Variants in MCPH1 observed in about 807,000 individuals in gnomAD.
MCPH1 encodes microcephalin 1.
MCPH1 carries 104 observed loss-of-function variants against 84.5 expected under a neutral mutation model. The observed-to-expected ratio is 1.23, with a 90% CI of 1.05 to 1.45. The LOEUF (loss-of-function observed/expected upper bound fraction) is 1.45, where lower values mean the gene tolerates loss of function less well. Ranked by LOEUF, MCPH1 falls within the 40% of genes most tolerant of loss-of-function variation. MCPH1 has a pLI of 0.00. For synonymous variants in MCPH1, 514 were observed against 366.8 expected, an observed-to-expected ratio of 1.40 and a Z score of -4.58; for missense variants, 1,498 against 1,005.7, an observed-to-expected ratio of 1.49 and a Z score of -6.62.
intron 12 of MCPH1, chr8:6,508,635 C>T (rs1167804658): frequency 1.8e-6 from 1 of 566,008 alleles, no homozygotes; most frequent in Non-Finnish European, 3.1e-6. Flanking sequence ...CTCTAGTATC[C>T]AGCAAGCACA....
intron 2 of MCPH1, among the ~76,000 whole-genome samples, chr8:6,412,057 A>T (rs1798613207): frequency 6.6e-6 from 1 of 152,156 alleles, no homozygotes; most frequent in Non-Finnish European, 1.5e-5. Context: ...TATAAAACTT[A>T]AGAGGCGCTC....
chr8:6,424,431 C>A (rs7008037), intron 3 of MCPH1, among the ~76,000 whole-genome samples: 1 of 151,926 alleles, frequency 6.6e-6, no homozygotes, highest in Non-Finnish European at 1.5e-5. Context: ...CAACACAGGC[C>A]GACATTAGGG....
At chr8:6,573,466 CTAAAA>C (rs977273104) in intron 12 of MCPH1, among the ~76,000 whole-genome samples, 3 of 152,000 alleles carry the variant, frequency 2.0e-5, no homozygotes, top group African/African-American at 7.3e-5. Flanking sequence ...CTTAAAAATG[CTAAAA>C]TAAAATAACT....
chr8:6,428,850 C>T (rs1241861215), intron 3 of MCPH1, among the ~76,000 whole-genome samples: 1 of 152,264 alleles, frequency 6.6e-6, no homozygotes, highest in African/African-American at 2.4e-5. Context: ...TCCTGTTCCC[C>T]AGAGGCAGCT....
chr8:6,514,656 T>G (rs1161073247), intron 12 of MCPH1: 1 of 1,598,926 alleles, frequency 6.3e-7, no homozygotes, highest in Non-Finnish European at 8.6e-7. Flanking sequence ...TCTTTTCTGA[T>G]GCCTTAAAGA....
intron 2 of MCPH1, 129 bp downstream of exon 2, chr8:6,409,499 A>C: frequency 1.4e-6 from 1 of 732,840 alleles, no homozygotes; most frequent in Non-Finnish European, 2.4e-6. Flanking sequence ...CGGTGGGAGA[A>C]AAAAGAGCCA....
At chr8:6,479,853 G>A (rs1808961675) in intron 10 of MCPH1, among the ~76,000 whole-genome samples, 1 of 152,160 alleles carries the variant, frequency 6.6e-6, no homozygotes, top group Non-Finnish European at 1.5e-5. Context: ...GACAGAGCAG[G>A]AGATAAGCCA....
rs2912061 is a variant in MCPH1 at position 6,627,558 on chromosome 8, G to T, written c.2452+5867G>T. On this transcript the variant is annotated intron_variant, in intron 13 of 13. Coordinates refer to ENST00000344683, the MANE Select transcript of MCPH1 (RefSeq NM_024596.5). ...AATGAATGAGAACTAAAACTGGTGGGATTTGGTAATGTCGACATCTGAGAT... is the reference window on the plus strand; with the variant it reads ...AATGAATGAGAACTAAAACTGGTGGTATTTGGTAATGTCGACATCTGAGAT... Among the ~76,000 whole-genome samples, 537 of 152,298 alleles carry T rather than the reference G, an allele frequency of 3.5e-3. 2 individuals are homozygous for T. The highest frequency in any genetic ancestry group is 0.012 in the African/African-American group (505 of 41,548).
chr8:6,582,109 G>C (rs1586705181), intron 12 of MCPH1, among the ~76,000 whole-genome samples: 1 of 152,194 alleles, frequency 6.6e-6, no homozygotes, highest in African/African-American at 2.4e-5. Flanking sequence ...TGTGGGATGG[G>C]AAGCCTGTGT....
chr8:6,597,964 G>C (rs532730364), intron 12 of MCPH1, among the ~76,000 whole-genome samples: 1 of 152,308 alleles, frequency 6.6e-6, no homozygotes, highest in African/African-American at 2.4e-5. Flanking sequence ...CTAGAGCCTT[G>C]CACTGAGGAC....
At chr8:6,481,386 G>C (rs896926020) in intron 11 of MCPH1, among the ~76,000 whole-genome samples, 1 of 152,142 alleles carries the variant, frequency 6.6e-6, no homozygotes, top group African/African-American at 2.4e-5. Context: ...GTAGATTAAA[G>C]ATAGCTTTTA....
intron 12 of MCPH1, among the ~76,000 whole-genome samples, chr8:6,534,127 A>T (rs148338625): frequency 6.6e-6 from 1 of 152,330 alleles, no homozygotes; most frequent in African/African-American, 2.4e-5. Context: ...TCAGATGAGC[A>T]GGATGCATGA....
At chr8:6,495,415 T>G (rs1811117562) in intron 11 of MCPH1, among the ~76,000 whole-genome samples, 1 of 152,238 alleles carries the variant, frequency 6.6e-6, no homozygotes, top group South Asian at 2.1e-4. Context: ...TATGTTACAC[T>G]GTCTAGTTGG....
intron 9 of MCPH1, among the ~76,000 whole-genome samples, chr8:6,466,377 G>A (rs1806948111): frequency 6.7e-6 from 1 of 149,286 alleles, no homozygotes; most frequent in South Asian, 2.1e-4. Flanking sequence ...GTGCCATCTC[G>A]GCTCACTGCA....
In MCPH1 at chr8:6,471,974, T is replaced by G. The variant is rs118021084; in HGVS notation, c.1936-5620T>G. ...TTTTCAAAACTAAATTTATTGAGAG[T>G]TCATTACAACAGTATTGGCAACTGA... On this transcript the variant is annotated intron_variant, in intron 9 of 13. Transcript: ENST00000344683. 1.2e-3 allele frequency among the ~76,000 whole-genome samples: 189 copies of G among 152,274 alleles called. 3 individuals are homozygous for G. The East Asian group carries it at 0.03, about 25-fold the overall frequency.
At chr8:6,599,563 T>G (rs1829207110) in intron 12 of MCPH1, among the ~76,000 whole-genome samples, 1 of 152,214 alleles carries the variant, frequency 6.6e-6, no homozygotes, top group East Asian at 1.9e-4. Flanking sequence ...TGTAATAGCT[T>G]ATTTGTAAAG....
intron 12 of MCPH1, among the ~76,000 whole-genome samples, chr8:6,522,058 T>G (rs2129569435): frequency 6.6e-6 from 1 of 152,220 alleles, no homozygotes; most frequent in Admixed American, 6.5e-5. Flanking sequence ...CAAATGGGTT[T>G]TAAAATGTAA....
intron 12 of MCPH1, among the ~76,000 whole-genome samples, chr8:6,612,471 C>G (rs767060872): frequency 6.6e-6 from 1 of 152,224 alleles, no homozygotes; most frequent in Non-Finnish European, 1.5e-5. Flanking sequence ...TCCATTACCT[C>G]TGCGACCTGG....
chr8:6,625,894 T>G (rs907551602), intron 13 of MCPH1: 1 of 985,304 alleles, frequency 1.0e-6, no homozygotes, highest in Middle Eastern at 5.2e-4. Flanking sequence ...AACCAGGAGT[T>G]TTTTAGCCAC....
Sources: gnomAD v4.1 joint callset for allele counts (sites outside exome capture counted in the v4.1 genomes callset) on GRCh38, gnomAD v4.1.1 for gene constraint, MANE v1.5 for transcripts, NCBI Gene and HGNC (gene_info 2026-07-23, HGNC 2026-07-21) for gene names.